VWA3B: variants seen among roughly 807,000 people sequenced by gnomAD.
The protein encoded by VWA3B is von Willebrand factor A domain-containing protein 3B.
Under a neutral mutation model 158.3 loss-of-function variants are expected in VWA3B, and 138 were observed. That is an observed-to-expected ratio of 0.87 (90% CI 0.76 to 1.00). The LOEUF is 1.00. Ranked by LOEUF, VWA3B falls within the 50% of genes least tolerant of loss-of-function variation. The probability of loss-of-function intolerance (pLI) is 0.00; values close to 1 mark genes in which losing one functional copy is unlikely to be tolerated. For missense variants in VWA3B, 1,555 were observed against 1,565.1 expected (o/e 0.99, Z 0.11); for synonymous variants, 596 against 587.3 (o/e 1.01, Z -0.21).
At chr2:98,247,960 G>A (rs1198017272) in intron 19 of VWA3B, among the ~76,000 whole-genome samples, 1 of 151,850 alleles carries the variant, frequency 6.6e-6, no homozygotes, top group African/African-American at 2.4e-5. Flanking sequence ...GTCTCTCTGT[G>A]CTATATTCTG....
At chr2:98,277,639 T>C (rs1192703618) in intron 22 of VWA3B, among the ~76,000 whole-genome samples, 1 of 152,210 alleles carries the variant, frequency 6.6e-6, no homozygotes, top group African/African-American at 2.4e-5. Context: ...GCAAGGAAGC[T>C]GGAGCCTATG....
chr2:98,165,402 G>A lies in VWA3B; in HGVS notation c.1114+2426G>A, dbSNP rs137904895. 4.6e-5 allele frequency among the ~76,000 whole-genome samples: 7 copies of A among 152,252 alleles called. No homozygotes were observed. The East Asian group carries it at 1.4e-3, about 29-fold the overall frequency. ...CACCCACCGGACATGTAATCAGGAT[G>A]TCTGATTAAATCATCCTGATTTAAT... On this transcript the variant is annotated intron_variant, in intron 8 of 27. Transcript: ENST00000477737.
intron 5 of VWA3B, among the ~76,000 whole-genome samples, chr2:98,127,021 G>A (rs1675420235): frequency 6.7e-6 from 1 of 149,778 alleles, no homozygotes. Context: ...AGATACTGAG[G>A]TGAGGCCATT....
downstream of VWA3B, among the ~76,000 whole-genome samples, chr2:98,313,848 G>GT (rs1182692772): frequency 6.6e-6 from 1 of 152,200 alleles, no homozygotes; most frequent in Non-Finnish European, 1.5e-5. Context: ...TTACATTGCA[G>GT]TGCACAAGGC....
chr2:98,176,678 T>C (rs1680043167), intron 8 of VWA3B, among the ~76,000 whole-genome samples: 1 of 152,212 alleles, frequency 6.6e-6, no homozygotes, highest in Non-Finnish European at 1.5e-5. Context: ...TAAAATGTTC[T>C]ATGCAGAAAG....
chr2:98,087,800 G>A (rs778226788), intron 1 of VWA3B, among the ~76,000 whole-genome samples: 1 of 152,184 alleles, frequency 6.6e-6, no homozygotes, highest in Non-Finnish European at 1.5e-5. Context: ...CACTTACATG[G>A]TTTCACAATC....
intron 23 of VWA3B, among the ~76,000 whole-genome samples, chr2:98,293,990 A>G (rs553566255): frequency 6.6e-6 from 1 of 152,134 alleles, no homozygotes; most frequent in South Asian, 2.1e-4. Context: ...TTATTTAAGC[A>G]TAAGGCCAGT....
intron 7 of VWA3B, among the ~76,000 whole-genome samples, chr2:98,149,461 C>T (rs751207440): frequency 6.6e-6 from 1 of 152,214 alleles, no homozygotes; most frequent in African/African-American, 2.4e-5. Flanking sequence ...TCATTGGCCG[C>T]TTGATGTACA....
intron 22 of VWA3B, among the ~76,000 whole-genome samples, chr2:98,286,098 A>T (rs947601651): frequency 1.3e-5 from 2 of 151,628 alleles, no homozygotes; most frequent in Admixed American, 6.6e-5. Context: ...ATAGAAATAC[A>T]GTTGATTTTT....
intron 7 of VWA3B, among the ~76,000 whole-genome samples, chr2:98,149,368 A>G (rs1273115461): frequency 1.3e-5 from 2 of 152,232 alleles, no homozygotes; most frequent in Non-Finnish European, 2.9e-5. Flanking sequence ...AGTACCCTCC[A>G]CAGGATGTGA....
chr2:98,313,922 C>T (rs1574337643), downstream of VWA3B, among the ~76,000 whole-genome samples: 2 of 152,190 alleles, frequency 1.3e-5, no homozygotes, highest in Non-Finnish European at 1.5e-5. Flanking sequence ...GCAATTACAA[C>T]GGTGAACTTC....
intron 3 of VWA3B, among the ~76,000 whole-genome samples, chr2:98,118,237 G>A (rs1305218788): frequency 6.6e-6 from 1 of 152,152 alleles, no homozygotes; most frequent in Non-Finnish European, 1.5e-5. Flanking sequence ...TGTTGTAGCA[G>A]TAGCTGTGGA....
chr2:98,113,289 T>G (rs1674287154), intron 2 of VWA3B, among the ~76,000 whole-genome samples: 1 of 152,088 alleles, frequency 6.6e-6, no homozygotes, highest in Admixed American at 6.5e-5. Flanking sequence ...ATGCAAACGA[T>G]TGTTTCCAGG....
intron 2 of VWA3B, among the ~76,000 whole-genome samples, chr2:98,093,955 G>A (rs1313600760): frequency 6.6e-6 from 1 of 152,122 alleles, no homozygotes; most frequent in Non-Finnish European, 1.5e-5. Context: ...CGTTCACGTA[G>A]CAAATGACAG....
intron 21 of VWA3B, among the ~76,000 whole-genome samples, chr2:98,269,061 C>A (rs946262087): frequency 2.0e-5 from 3 of 152,114 alleles, no homozygotes; most frequent in African/African-American, 7.2e-5. Context: ...GGACCAATTT[C>A]TAAAGATTTA....
intron 2 of VWA3B, among the ~76,000 whole-genome samples, chr2:98,094,754 A>G (rs1682595393): frequency 6.6e-6 from 1 of 152,010 alleles, no homozygotes; most frequent in African/African-American, 2.4e-5. Flanking sequence ...ATATTTTCAG[A>G]TCCTACAATT....
rs534265350 is a variant in VWA3B at position 98,194,120 on chromosome 2, C to A, written c.1606-241C>A. 4.6e-5 allele frequency among the ~76,000 whole-genome samples: 7 copies of A among 152,090 alleles called. No homozygotes were observed. In the East Asian group the frequency reaches 5.8e-4, roughly 13 times the overall value. On this transcript the variant is annotated intron_variant, in intron 11 of 27. Transcript: ENST00000477737. The stretch of plus-strand genomic sequence containing the variant: ...TATATAAACTTTTACATATACGTGA[C>A]ATATATAATGTATATTCATATAATC...
downstream of VWA3B, among the ~76,000 whole-genome samples, chr2:98,316,317 G>A (rs1287640892): frequency 6.6e-6 from 1 of 152,164 alleles, no homozygotes; most frequent in Non-Finnish European, 1.5e-5. Context: ...TTTTAGCAGT[G>A]ATATGGTTTC....
chr2:98,181,058 A>T lies in VWA3B; in HGVS notation c.1157A>T (p.Asp386Val), dbSNP rs1352311277. ...GTTGAGATTGCATCGAATCCAGAAG[A>T]CACCTGGGACTCTAAGACATGGCTG... is the stretch of plus-strand genomic sequence containing the variant. Reference protein sequence around the residue: ...TSVEIASNPEDTWDSKTWLQK... With the variant: ...TSVEIASNPEVTWDSKTWLQK... The change falls in exon 9 of 28, where the codon GAC becomes GTC. Residue 386 changes from aspartate (D) to valine (V), a missense_variant. Physicochemically the swap from Asp to Val is radical, Grantham distance 152. Transcript: ENST00000477737. The T allele has an allele frequency of 1.2e-6, 2 of 1,614,248 alleles. No homozygotes were observed. The highest frequency in any genetic ancestry group is 1.7e-6 in the Non-Finnish European group (2 of 1,180,038).
Sources: gnomAD v4.1 joint callset for allele counts (sites outside exome capture counted in the v4.1 genomes callset) on GRCh38, gnomAD v4.1.1 for gene constraint, MANE v1.5 for transcripts, NCBI Gene and HGNC (gene_info 2026-07-23, HGNC 2026-07-21) for gene names.